INPP5A: variants seen among roughly 807,000 people sequenced by gnomAD.
INPP5A encodes inositol polyphosphate-5-phosphatase A.
Under a neutral mutation model 65.2 loss-of-function variants are expected in INPP5A, and 14 were observed. That is an observed-to-expected ratio of 0.21 (90% CI 0.14 to 0.34). The LOEUF (loss-of-function observed/expected upper bound fraction) is 0.34. INPP5A is among the 10% of genes least tolerant of loss of function. INPP5A has a pLI of 1.00. For synonymous variants in INPP5A, 207 were observed against 208.3 expected, an observed-to-expected ratio of 0.99 and a Z score of 0.05; for missense variants, 431 against 545.6, an observed-to-expected ratio of 0.79 and a Z score of 2.09.
rs775916002 is a variant in INPP5A, at chr10:132,749,857, G to A, written c.903+12G>A. On this transcript the variant is annotated intron_variant, in intron 11 of 15. Transcript: ENST00000368594. Reference sequence around the variant, plus strand: ...ACAACGGCACCGCGGTGAGTTTGTGGTCCAATGTGGCAGCTCCCCCGTCCT... The same window carrying A: ...ACAACGGCACCGCGGTGAGTTTGTGATCCAATGTGGCAGCTCCCCCGTCCT... 4 of 1,611,694 alleles carry A rather than the reference G, an allele frequency of 2.5e-6. No individual in the cohort carries two copies. Among genetic ancestry groups the A allele is most frequent in the South Asian group, 1.1e-5 (1 of 91,060 alleles).
At chr10:132,597,355 G>C (rs1253088093) in intron 1 of INPP5A, among the ~76,000 whole-genome samples, 1 of 152,156 alleles carries the variant, frequency 6.6e-6, no homozygotes. Context: ...CATCCACAAG[G>C]ACTCGGGCCA....
rs543724213 is a variant in INPP5A at position 132,719,778 on chromosome 10, C to T, written c.648-7043C>T. 4.0e-5 allele frequency among the ~76,000 whole-genome samples: 6 copies of T among 149,386 alleles called. No individual in the cohort carries two copies. In the East Asian group the frequency reaches 6.0e-4, roughly 15 times the overall value. ...CTGGGTTCTTTCTGTGTGCCTTAGA[C>T]GGCTGTCTTGTGGGTTCTGTGGTGC... On this transcript the variant is annotated intron_variant, in intron 8 of 15. Transcript: ENST00000368594.
At position 132,603,366 on chromosome 10, in the gene INPP5A, G is replaced by C. The variant is rs540754146; in HGVS notation, c.76-4549G>C. Among the ~76,000 whole-genome samples, 1 of 152,260 alleles carries C rather than the reference G, an allele frequency of 6.6e-6. No homozygotes were observed. Among genetic ancestry groups the C allele is most frequent in the East Asian group, 1.9e-4 (1 of 5,174 alleles). ...AGAATATGCACTATAGAAAATTACA[G>C]ATCACTCCAGCTCCCACTACCCAGA... On this transcript the variant is annotated intron_variant, in intron 1 of 15. Coordinates refer to ENST00000368594, the MANE Select transcript of INPP5A (RefSeq NM_005539.5). This position sits in a 1 kb window ranked among gnomAD's most constrained non-coding sequence, Gnocchi z 4.2.
intron 1 of INPP5A, among the ~76,000 whole-genome samples, chr10:132,599,713 C>G (rs571803757): frequency 6.6e-6 from 1 of 152,382 alleles, no homozygotes; most frequent in East Asian, 1.9e-4. Flanking sequence ...GGGCCCCACC[C>G]CTGCAGCAAA....
At chr10:132,744,403 G>A (rs775116783) in intron 9 of INPP5A, among the ~76,000 whole-genome samples, 1 of 152,152 alleles carries the variant, frequency 6.6e-6, no homozygotes, top group Non-Finnish European at 1.5e-5. Context: ...AGGAATTCCA[G>A]GACCCCCGGG....
At chr10:132,614,841 T>C (rs749486493) in intron 2 of INPP5A, among the ~76,000 whole-genome samples, 7 of 152,176 alleles carry the variant, frequency 4.6e-5, no homozygotes, top group Non-Finnish European at 1.0e-4. Context: ...ACCCCTTCTA[T>C]CCTACAAGGA....
intron 8 of INPP5A, among the ~76,000 whole-genome samples, chr10:132,715,709 T>A (rs571811157): frequency 6.6e-6 from 1 of 152,342 alleles, no homozygotes; most frequent in South Asian, 2.1e-4. Context: ...GCATTAAAGA[T>A]CTGGGTCACC....
intron 1 of INPP5A, among the ~76,000 whole-genome samples, chr10:132,599,690 A>G (rs1480220900): frequency 6.6e-6 from 1 of 152,224 alleles, no homozygotes; most frequent in Non-Finnish European, 1.5e-5. Flanking sequence ...GCCCTAGCAG[A>G]GATTCTCCAT....
At chr10:132,756,455 GTCA>G (rs1846619819) in intron 11 of INPP5A, among the ~76,000 whole-genome samples, 1 of 146,666 alleles carries the variant, frequency 6.8e-6, no homozygotes, top group Admixed American at 6.7e-5. Context: ...TGTCGTTTCA[GTCA>G]ACAACAGACT....
In INPP5A at chr10:132,575,995, C is replaced by G. The variant is rs1001558002; in HGVS notation, c.76-31920C>G. 2.0e-5 allele frequency among the ~76,000 whole-genome samples: 3 copies of G among 152,232 alleles called. No individual in the cohort carries two copies. The highest frequency in any genetic ancestry group is 7.2e-5 in the African/African-American group (3 of 41,458). On this transcript the variant is annotated intron_variant, in intron 1 of 15. Transcript: ENST00000368594. This position sits in a 1 kb window ranked among gnomAD's most constrained non-coding sequence, Gnocchi z 5.4. Reference sequence around the variant, plus strand: ...GGGGAAATGATTTCACCCACTGCCCCCTGCCCACATCCCTCCACCACAGAT... The same window carrying G: ...GGGGAAATGATTTCACCCACTGCCCGCTGCCCACATCCCTCCACCACAGAT...
At chr10:132,539,357 A>G (rs2070880875) in intron 1 of INPP5A, among the ~76,000 whole-genome samples, 1 of 152,216 alleles carries the variant, frequency 6.6e-6, no homozygotes, top group Non-Finnish European at 1.5e-5. Context: ...GTAGGACTTT[A>G]TATTTCTTGT....
intron 8 of INPP5A, among the ~76,000 whole-genome samples, chr10:132,725,210 G>A (rs1209321928): frequency 5.9e-5 from 9 of 152,258 alleles, no homozygotes; most frequent in Non-Finnish European, 1.5e-5. Flanking sequence ...GGGTGTGCAA[G>A]TTAAGATGGA....
In INPP5A at chr10:132,782,232, C is replaced by T. The variant is rs1349786384; in HGVS notation, c.*203C>T. ...CTCACTGTCTCGTCTGTCTATGTGA[C>T]ATTAAGTAGAAATATTGGTTTTTTT... is the stretch of plus-strand genomic sequence containing the variant. On this transcript the variant is annotated 3_prime_UTR_variant, in exon 16 of 16. Transcript: ENST00000368594. This position sits in a 1 kb window ranked among gnomAD's most constrained non-coding sequence, Gnocchi z 4.4. 6 of 524,262 alleles carry T rather than the reference C, an allele frequency of 1.1e-5. No homozygotes were observed. The highest frequency in any genetic ancestry group is 3.8e-5 in the South Asian group (2 of 52,038). The allele number at this position is 524,262 out of a possible 1,614,324, so 32.5% of individuals were successfully genotyped here.
chr10:132,601,390 C>A (rs186109427), intron 1 of INPP5A, among the ~76,000 whole-genome samples: 53 of 152,262 alleles, frequency 3.5e-4, no homozygotes, highest in Admixed American at 9.8e-4. Context: ...AAAATATATT[C>A]TGAATATTAA....
At chr10:132,643,115 AC>A (rs2072447440) in intron 2 of INPP5A, among the ~76,000 whole-genome samples, 1 of 152,212 alleles carries the variant, frequency 6.6e-6, no homozygotes, top group African/African-American at 2.4e-5. Flanking sequence ...CATTGGGTTG[AC>A]CAATTAAGAT....
At chr10:132,565,719 T>TTGTGTG (rs140193152) in intron 1 of INPP5A, among the ~76,000 whole-genome samples, 2 of 146,170 alleles carry the variant, frequency 1.4e-5, no homozygotes, top group East Asian at 2.0e-4. Context: ...GTGCCTGAGT[T>TTGTGTG]TGTGTGTGTG....
chr10:132,701,474 A>C (rs944863881), intron 6 of INPP5A, among the ~76,000 whole-genome samples: 1 of 151,672 alleles, frequency 6.6e-6, no homozygotes. Context: ...CTGGCCATAC[A>C]CCCTCTGCCT....
At chr10:132,584,561 T>A (rs180696537) in intron 1 of INPP5A, among the ~76,000 whole-genome samples, 18 of 152,368 alleles carry the variant, frequency 1.2e-4, no homozygotes, top group Admixed American at 1.1e-3. Flanking sequence ...TGATACAATG[T>A]TCACATATTC....
intron 2 of INPP5A, among the ~76,000 whole-genome samples, chr10:132,609,433 G>A (rs1480329854): frequency 1.3e-5 from 2 of 152,124 alleles, no homozygotes; most frequent in East Asian, 3.9e-4. Context: ...TGCTGCGTGT[G>A]CCTGTCGGGG....
Sources: gnomAD v4.1 joint callset for allele counts (sites outside exome capture counted in the v4.1 genomes callset) on GRCh38, gnomAD v4.1.1 for gene constraint, Gnocchi (gnomAD v3.1) non-coding constraint, MANE v1.5 for transcripts, NCBI Gene and HGNC (gene_info 2026-07-23, HGNC 2026-07-21) for gene names.